ZC3H3: variants seen among roughly 807,000 people sequenced by gnomAD.
ZC3H3 encodes the protein zinc finger CCCH-type containing 3.
Under a neutral mutation model 77.3 loss-of-function variants are expected in ZC3H3, and 36 were observed. The observed-to-expected ratio is 0.47, with a 90% CI of 0.36 to 0.61. The LOEUF (loss-of-function observed/expected upper bound fraction) is 0.61, where lower values mean the gene tolerates loss of function less well. Among genes scored for constraint, ZC3H3 ranks in the 20% least tolerant of loss-of-function variants. ZC3H3 has a pLI of 0.00. For missense variants in ZC3H3, 1,331 were observed against 1,312.2 expected (o/e 1.01, Z -0.22); for synonymous variants, 626 against 555.2 (o/e 1.13, Z -1.79).
At position 143,437,887 on chromosome 8, in the gene ZC3H3, C is replaced by A; in HGVS notation, c.*169G>T. ...GGGGAGGAAGACCAGGCCCTGCGCA[C>A]ACGCTGGTCATGGAAGGTTGAGGGC... On this transcript the variant is annotated 3_prime_UTR_variant, in exon 12 of 12. Coordinates refer to ENST00000262577, the MANE Select transcript of ZC3H3 (RefSeq NM_015117.3). The A allele has an allele frequency of 1.1e-6, 1 of 907,754 alleles. No homozygotes were observed. The highest frequency in any genetic ancestry group is 1.5e-5 in the South Asian group (1 of 64,940). The allele number at this position is 907,754 out of a possible 1,614,324, so 56.2% of individuals were successfully genotyped here.
intron 3 of ZC3H3, among the ~76,000 whole-genome samples, chr8:143,512,829 C>A (rs963009815): frequency 6.6e-6 from 1 of 152,252 alleles, no homozygotes; most frequent in Admixed American, 6.5e-5. Flanking sequence ...CACGATTAAT[C>A]GCCTAATTAG....
intron 4 of ZC3H3, among the ~76,000 whole-genome samples, chr8:143,505,932 A>G (rs1279322464): frequency 1.3e-5 from 2 of 152,194 alleles, no homozygotes; most frequent in African/African-American, 4.8e-5. Context: ...CGCTCCCTGC[A>G]GGGCAGCTGG....
At chr8:143,472,549 C>T (rs1440983480) in intron 5 of ZC3H3, among the ~76,000 whole-genome samples, 2 of 152,336 alleles carry the variant, frequency 1.3e-5, no homozygotes, top group East Asian at 1.9e-4. Context: ...AAAGCTCAGA[C>T]CCTGGGCCAT....
Position 143,440,929 on chromosome 8 carries a change from C to T in ZC3H3, c.2492+7G>A. On this transcript the variant is annotated splice_region_variant and intron_variant, in intron 10 of 11. Transcript: ENST00000262577. ...GCTCACATGCACAGTGCCCACTGCC[C>T]CATCACCTGGGCCCGTGGCTGGCCG... The T allele has an allele frequency of 7.0e-7, 1 of 1,421,756 alleles. No individual in the cohort carries two copies. The highest frequency in any genetic ancestry group is 9.2e-7 in the Non-Finnish European group (1 of 1,092,346). 88.1% of individuals were successfully genotyped at this position (1,421,756 alleles called of 1,614,324 possible). A position where few individuals can be genotyped will look rare whatever the true frequency, so the allele number is the denominator to read the frequency against.
At chr8:143,504,633 C>A (rs551894942) in intron 4 of ZC3H3, among the ~76,000 whole-genome samples, 9 of 152,158 alleles carry the variant, frequency 5.9e-5, no homozygotes, top group Non-Finnish European at 1.2e-4. Flanking sequence ...CGCTGCACTG[C>A]GCTGCCCCCA....
chr8:143,495,411 C>T (rs147386868), intron 4 of ZC3H3, among the ~76,000 whole-genome samples: 2 of 152,072 alleles, frequency 1.3e-5, no homozygotes, highest in East Asian at 3.9e-4. Flanking sequence ...TCCACAGTGA[C>T]AGACTCAGAG....
At chr8:143,540,767 C>A (rs1321077383) in intron 1 of ZC3H3, among the ~76,000 whole-genome samples, 1 of 152,034 alleles carries the variant, frequency 6.6e-6, no homozygotes, top group African/African-American at 2.4e-5. Flanking sequence ...ACCATCCTGG[C>A]CAACATGGTG....
chr8:143,538,662 C>A lies in ZC3H3; in HGVS notation c.705G>T (p.Leu235=). The change falls in exon 2 of 12, where the codon CTG becomes CTT. Residue 235 remains leucine, a synonymous_variant. Transcript: ENST00000262577. The part of the protein sequence containing the change: ...AVKASFPSSA[L]PPRTGVALGR... The stretch of plus-strand genomic sequence containing the variant: ...CCAGGGCCACGCCAGTGCGTGGGGG[C>A]AGAGCGGAGGATGGGAAGCTCGCCT... 2 of 1,608,348 alleles carry A rather than the reference C, an allele frequency of 1.2e-6. No homozygotes were observed. The highest frequency in any genetic ancestry group is 1.7e-6 in the Non-Finnish European group (2 of 1,179,904).
At chr8:143,472,665 C>A (rs1401012245) in intron 5 of ZC3H3, among the ~76,000 whole-genome samples, 1 of 152,204 alleles carries the variant, frequency 6.6e-6, no homozygotes, top group Non-Finnish European at 1.5e-5. Context: ...GGCAGGTGCA[C>A]CTCCCCACAC....
intron 9 of ZC3H3, among the ~76,000 whole-genome samples, chr8:143,450,879 T>G (rs913782364): frequency 2.6e-5 from 4 of 152,156 alleles, no homozygotes; most frequent in Admixed American, 2.6e-4. Context: ...CTGCTAGCTG[T>G]GGATCTGCAG....
chr8:143,505,739 C>T (rs2924513), intron 4 of ZC3H3, among the ~76,000 whole-genome samples: 4,245 of 152,322 alleles, frequency 0.028, 180 homozygotes, highest in African/African-American at 0.096. Flanking sequence ...CCTTCACACA[C>T]GGAGAAGACA....
intron 3 of ZC3H3, among the ~76,000 whole-genome samples, chr8:143,508,485 CT>C (rs1821776619): frequency 6.6e-6 from 1 of 152,238 alleles, no homozygotes; most frequent in African/African-American, 2.4e-5. Flanking sequence ...GACACGACGG[CT>C]TTTTTCTTGC....
At chr8:143,511,629 C>CA (rs1821873574) in intron 3 of ZC3H3, among the ~76,000 whole-genome samples, 1 of 152,124 alleles carries the variant, frequency 6.6e-6, no homozygotes, top group Admixed American at 6.5e-5. Flanking sequence ...TGGGAGGGTC[C>CA]ATCAGGGAGG....
At chr8:143,512,596 G>A (rs748877853) in intron 3 of ZC3H3, among the ~76,000 whole-genome samples, 51 of 152,286 alleles carry the variant, frequency 3.3e-4, no homozygotes, top group Non-Finnish European at 6.3e-4. Context: ...AGCAGGACAC[G>A]GCCTAAAGAG....
intron 9 of ZC3H3, among the ~76,000 whole-genome samples, chr8:143,456,069 G>A (rs184393397): frequency 1.3e-5 from 2 of 151,996 alleles, no homozygotes; most frequent in Admixed American, 1.3e-4. Context: ...ATGGAATTGG[G>A]TTCCATGACA....
chr8:143,509,237 C>T (rs76964792), intron 3 of ZC3H3, among the ~76,000 whole-genome samples: 25 of 152,330 alleles, frequency 1.6e-4, no homozygotes, highest in African/African-American at 5.8e-4. Flanking sequence ...TTTTCAAGGT[C>T]TTACAAACAA....
chr8:143,438,224 TC>T (rs1749850709), intron 11 of ZC3H3, 137 bp from the exon 12 acceptor site: 2 of 1,145,444 alleles, frequency 1.7e-6, no homozygotes, highest in Non-Finnish European at 2.5e-6. Context: ...AGAGATACCC[TC>T]CTGAGTTCGA....
chr8:143,520,202 G>A (rs1054642135), intron 3 of ZC3H3, among the ~76,000 whole-genome samples: 13 of 152,244 alleles, frequency 8.5e-5, no homozygotes, highest in Non-Finnish European at 8.8e-5. Flanking sequence ...ATGAGAAAGA[G>A]GCAGGTGGGG....
chr8:143,449,885 T>C (rs917881956), intron 9 of ZC3H3, among the ~76,000 whole-genome samples: 1 of 151,658 alleles, frequency 6.6e-6, no homozygotes, highest in Non-Finnish European at 1.5e-5. Context: ...TAACCTTTGC[T>C]CCAGTTCCCA....
Sources: allele counts gnomAD v4.1 joint callset (sites outside exome capture counted in the v4.1 genomes callset), GRCh38; gene constraint gnomAD v4.1.1; transcripts MANE v1.5; gene names NCBI Gene and HGNC (gene_info 2026-07-23, HGNC 2026-07-21).